Variants in CCDC7 observed in about 807,000 individuals in gnomAD.
CCDC7 encodes the protein coiled-coil domain containing 7.
In CCDC7, 183 loss-of-function variants were observed where a neutral mutation model predicts 196.9. That is an observed-to-expected ratio of 0.93 (90% CI 0.82 to 1.05). The LOEUF is 1.05. CCDC7 is among the 50% of genes least tolerant of loss of function. The probability of loss-of-function intolerance (pLI) is 0.00; values close to 1 mark genes in which losing one functional copy is unlikely to be tolerated. For missense variants in CCDC7, 1,540 were observed against 1,482.2 expected (o/e 1.04, Z -0.64); for synonymous variants, 525 against 484.6 (o/e 1.08, Z -1.10).
chr10:32,593,606 C>G (rs922169273), intron 18 of CCDC7, among the ~76,000 whole-genome samples: 9 of 152,156 alleles, frequency 5.9e-5, no homozygotes, highest in South Asian at 4.1e-4. Context: ...TGGTGTTTTA[C>G]ACATGAAGTC....
intron 33 of CCDC7, among the ~76,000 whole-genome samples, chr10:32,844,938 C>G (rs889021056): frequency 2.0e-5 from 3 of 151,660 alleles, no homozygotes; most frequent in Admixed American, 6.6e-5. Context: ...TGCTTTATTT[C>G]TATAGAGACT....
chr10:32,831,431 T>C (rs1033520782), intron 32 of CCDC7, among the ~76,000 whole-genome samples: 1 of 152,214 alleles, frequency 6.6e-6, no homozygotes, highest in East Asian at 1.9e-4. Flanking sequence ...AATCTTTCCT[T>C]AAAAATAACC....
At chr10:32,845,802 C>CAT in intron 35 of CCDC7, 74 bp from the exon 37 acceptor site, 19 of 1,225,132 alleles carry the variant, frequency 1.6e-5, no homozygotes, top group Non-Finnish European at 2.3e-5. Context: ...CACATACACA[C>CAT]ACACACAGAT....
intron 5 of CCDC7, among the ~76,000 whole-genome samples, chr10:32,467,424 T>G (rs569784728): frequency 5.5e-4 from 75 of 137,426 alleles, no homozygotes; most frequent in African/African-American, 1.6e-3. Flanking sequence ...GTCCACTGTT[T>G]AATGGTGTTG....
At position 32,504,903 on chromosome 10, in the gene CCDC7, T is replaced by C. The variant is rs142073443; in HGVS notation, c.872+12906T>C. Among the ~76,000 whole-genome samples the C allele has an allele frequency of 1.0e-3, 158 of 152,356 alleles. 1 individual carries two copies. The East Asian group carries it at 0.03, about 29-fold the overall frequency. On this transcript the variant is annotated intron_variant, in intron 9 of 41. Transcript: ENST00000639629. ...CTGCTGTTGGGTGGAATGTTTTGTA[T>C]GTGTCAGTTAGGTCCATTTGGCCTA...
chr10:32,511,790 C>T, intron 9 of CCDC7: 1 of 1,302,172 alleles, frequency 7.7e-7, no homozygotes, highest in Non-Finnish European at 1.1e-6. Context: ...AGCGGTCGGG[C>T]AACGATGACG....
At chr10:32,833,772 A>G (rs967300478) in intron 32 of CCDC7, among the ~76,000 whole-genome samples, 2 of 152,034 alleles carry the variant, frequency 1.3e-5, no homozygotes, top group African/African-American at 4.8e-5. Flanking sequence ...TCCTATTTCT[A>G]TACAGATTGT....
At chr10:32,446,904 GCCTC>G (rs1425582889), upstream of CCDC7, among the ~76,000 whole-genome samples, 12,292 of 77,254 alleles carry the variant, frequency 0.16, 894 homozygotes, top group East Asian at 0.47. Flanking sequence ...CTGCCTGCCT[GCCTC>G]CCTCCCTCCC....
chr10:32,879,213 A>G (rs2094700272), downstream of CCDC7, among the ~76,000 whole-genome samples: 1 of 152,120 alleles, frequency 6.6e-6, no homozygotes, highest in South Asian at 2.1e-4. Context: ...TTTAATATAA[A>G]TATATATGTT....
intron 18 of CCDC7, among the ~76,000 whole-genome samples, chr10:32,590,340 C>A (rs1417580071): frequency 6.6e-6 from 1 of 152,074 alleles, no homozygotes; most frequent in Non-Finnish European, 1.5e-5. Flanking sequence ...ACAACAACAG[C>A]AAAAACAAGC....
At chr10:32,711,510 C>A in intron 24 of CCDC7, 110 bp from the exon 26 acceptor site, 1 of 650,256 alleles carries the variant, frequency 1.5e-6, no homozygotes, top group South Asian at 1.9e-5. Flanking sequence ...TTACTTATAA[C>A]TTTATAAGAT....
At chr10:32,689,714 A>C (rs1429234911) in intron 23 of CCDC7, among the ~76,000 whole-genome samples, 71 of 151,546 alleles carry the variant, frequency 4.7e-4, no homozygotes, top group Non-Finnish European at 5.9e-5. Context: ...GTATTTATCG[A>C]AACAGTTCCA....
At chr10:32,542,322 T>C (rs571862959) in intron 11 of CCDC7, among the ~76,000 whole-genome samples, 4 of 152,260 alleles carry the variant, frequency 2.6e-5, no homozygotes, top group South Asian at 4.1e-4. Context: ...AGCAATTTCA[T>C]CTGCAAAAAC....
chr10:32,563,415 G>A (rs147127323), intron 13 of CCDC7, among the ~76,000 whole-genome samples: 20,417 of 152,156 alleles, frequency 0.13, 1,620 homozygotes, highest in African/African-American at 0.23. Context: ...CAAGGCTACA[G>A]TAACCAAAAC....
intron 39 of CCDC7, among the ~76,000 whole-genome samples, chr10:32,849,701 CAAAAAAAAA>C (rs34677799): frequency 3.7e-5 from 3 of 80,822 alleles, no homozygotes; most frequent in African/African-American, 1.1e-4. Flanking sequence ...GACTCCGTCT[CAAAAAAAAA>C]AAAAAAAAAA....
chr10:32,696,350 C>A (rs896004173), intron 24 of CCDC7, among the ~76,000 whole-genome samples: 8 of 152,096 alleles, frequency 5.3e-5, no homozygotes, highest in Non-Finnish European at 7.4e-5. Flanking sequence ...TCACAGTCGC[C>A]TGTGCACTAT....
chr10:32,787,129 G>C (rs2082006922), intron 29 of CCDC7, among the ~76,000 whole-genome samples: 1 of 152,056 alleles, frequency 6.6e-6, no homozygotes, highest in Admixed American at 6.6e-5. Context: ...GAAAAGAGCA[G>C]AAGGAATTTG....
At chr10:32,634,493 T>A (rs998247028) in intron 19 of CCDC7, 129 bp downstream of exon 20, 1 of 333,094 alleles carries the variant, frequency 3.0e-6, no homozygotes, top group Non-Finnish European at 5.3e-6. Context: ...ATCTTCCGGG[T>A]TGAAGCGATT....
intron 40 of CCDC7, among the ~76,000 whole-genome samples, chr10:32,853,467 T>G (rs992099533): frequency 2.6e-5 from 4 of 152,180 alleles, no homozygotes; most frequent in Non-Finnish European, 5.9e-5. Context: ...GAATTGAATG[T>G]TTCATTTCTG....
Sources: gnomAD v4.1 joint callset for allele counts (sites outside exome capture counted in the v4.1 genomes callset) on GRCh38, gnomAD v4.1.1 for gene constraint, MANE v1.5 for transcripts, NCBI Gene and HGNC (gene_info 2026-07-23, HGNC 2026-07-21) for gene names.